Variants in ACADSB observed in about 807,000 individuals in gnomAD.
ACADSB encodes short/branched chain specific acyl-CoA dehydrogenase, mitochondrial.
A neutral mutation model predicts 54.1 loss-of-function variants in ACADSB; 40 were observed. The observed-to-expected ratio is 0.74, with a 90% CI of 0.57 to 0.96. ACADSB has a LOEUF of 0.96. Ranked by LOEUF, ACADSB falls within the 40% of genes least tolerant of loss-of-function variation. The pLI is 0.00. For missense variants in ACADSB, 530 were observed against 510.4 expected (o/e 1.04, Z -0.37); for synonymous variants, 182 against 182.8 (o/e 1.00, Z 0.03).
intron 1 of ACADSB, among the ~76,000 whole-genome samples, chr10:123,031,708 C>T (rs777611596): frequency 4.6e-5 from 7 of 152,160 alleles, no homozygotes; most frequent in Non-Finnish European, 1.0e-4. Context: ...AAAATGGATT[C>T]CATTCACTTA....
intron 7 of ACADSB, 79 bp downstream of exon 7, chr10:123,044,564 A>G: frequency 1.8e-6 from 2 of 1,138,428 alleles, no homozygotes; most frequent in Non-Finnish European, 2.6e-6. Flanking sequence ...ACCAATGAAT[A>G]TTTGGAAGCT....
At chr10:123,024,740 C>G (rs1300231824) in intron 1 of ACADSB, among the ~76,000 whole-genome samples, 1 of 152,208 alleles carries the variant, frequency 6.6e-6, no homozygotes, top group East Asian at 1.9e-4. Context: ...CCCAAGCAAG[C>G]AGCTCGTGGG....
intron 1 of ACADSB, among the ~76,000 whole-genome samples, chr10:123,032,465 T>G (rs560852506): frequency 1.3e-5 from 2 of 152,256 alleles, no homozygotes; most frequent in South Asian, 4.2e-4. Context: ...AGAAGCCTAG[T>G]TGACACATTC....
At chr10:123,042,553 T>G (rs965114965) in intron 5 of ACADSB, among the ~76,000 whole-genome samples, 7 of 149,688 alleles carry the variant, frequency 4.7e-5, no homozygotes, top group African/African-American at 1.7e-4. Flanking sequence ...CTCCGCCTTC[T>G]GGGTTCAAGC....
intron 1 of ACADSB, among the ~76,000 whole-genome samples, chr10:123,021,441 C>T (rs1167706552): frequency 6.6e-6 from 1 of 152,212 alleles, no homozygotes; most frequent in African/African-American, 2.4e-5. Flanking sequence ...TTAATTTTTA[C>T]AAACCTTCCA....
At chr10:123,009,102 G>A (rs768384949) in intron 1 of ACADSB, 31 bp downstream of exon 1, 2 of 1,542,076 alleles carry the variant, frequency 1.3e-6, no homozygotes, top group Non-Finnish European at 1.7e-6. Context: ...CGTCCTGGGG[G>A]CCCAGGGCGA....
chr10:123,011,142 T>C (rs939778724), intron 1 of ACADSB, among the ~76,000 whole-genome samples: 2 of 152,002 alleles, frequency 1.3e-5, no homozygotes, highest in African/African-American at 4.8e-5. Flanking sequence ...TGGCATGGAG[T>C]GGGGAGAAAT....
At chr10:123,014,848 G>A (rs1044781436) in intron 1 of ACADSB, among the ~76,000 whole-genome samples, 1 of 152,246 alleles carries the variant, frequency 6.6e-6, no homozygotes. Context: ...ACGCAAAGGT[G>A]TAGAGGTAGG....
Position 123,040,370 on chromosome 10 carries a change from A to C in ACADSB, c.304-96A>C. The C allele has an allele frequency of 2.8e-6, 3 of 1,067,972 alleles. No homozygotes were observed. The South Asian group carries it at 4.3e-5, about 15-fold the overall frequency. 66.2% of individuals were successfully genotyped at this position (1,067,972 alleles called of 1,614,324 possible). A position where few individuals can be genotyped will look rare whatever the true frequency, so the allele number is the denominator to read the frequency against. On this transcript the variant is annotated intron_variant, in intron 3 of 10. Coordinates refer to ENST00000358776, the MANE Select transcript of ACADSB (RefSeq NM_001609.4). ...TCTCAAAAAAAAAATAATAATAATA[A>C]ATATGGTTACAGTTTATTTTTTAAC...
chr10:123,025,928 G>T (rs1034609041), intron 1 of ACADSB, among the ~76,000 whole-genome samples: 1 of 152,100 alleles, frequency 6.6e-6, no homozygotes, highest in African/African-American at 2.4e-5. Flanking sequence ...AGGCGTGGTG[G>T]TGTGCACCTG....
At chr10:123,026,586 AAGGTGG>A (rs1162533578) in intron 1 of ACADSB, among the ~76,000 whole-genome samples, 2 of 152,180 alleles carry the variant, frequency 1.3e-5, no homozygotes, top group African/African-American at 4.8e-5. Context: ...TATGCAGTCT[AAGGTGG>A]AGCCTAGTTC....
Position 123,044,469 on chromosome 10 carries a change from T to C in ACADSB, c.884T>C (p.Ile295Thr), listed in dbSNP as rs778693399. The C allele has an allele frequency of 6.2e-7, 1 of 1,612,882 alleles. No individual in the cohort carries two copies. The highest frequency in any genetic ancestry group is 1.3e-5 in the African/African-American group (1 of 75,004). Reference protein sequence around the residue: ...YAIGSLNEGRIGIAAQMLGLA... With the variant: ...YAIGSLNEGRTGIAAQMLGLA... ...ATAGGGAGTCTCAATGAAGGTAGAA[T>C]AGGAATTGCTGCACAGGTAAGTCAG... The change falls in exon 7 of 11, where the codon ATA becomes ACA. Residue 295 changes from isoleucine to threonine, a missense_variant. Ile to Thr is a moderately conservative substitution (Grantham distance 89, BLOSUM62 -1). Transcript: ENST00000358776.
chr10:123,011,891 G>T (rs572514258), intron 1 of ACADSB, among the ~76,000 whole-genome samples: 10 of 150,748 alleles, frequency 6.6e-5, no homozygotes, highest in Non-Finnish European at 1.2e-4. Context: ...TCACTCTCTT[G>T]CCCAGGCTGG....
chr10:123,024,887 C>T (rs1589734585), intron 1 of ACADSB, among the ~76,000 whole-genome samples: 3 of 152,304 alleles, frequency 2.0e-5, no homozygotes, highest in East Asian at 3.9e-4. Context: ...AAATTATTTA[C>T]TTGGCTTTAG....
intron 6 of ACADSB, among the ~76,000 whole-genome samples, chr10:123,043,443 C>T (rs1482989481): frequency 2.0e-5 from 3 of 152,196 alleles, no homozygotes; most frequent in Admixed American, 6.5e-5. Context: ...CTTCTGACCA[C>T]GTATACTTTA....
At position 123,037,776 on chromosome 10, in the gene ACADSB, C is replaced by A. The variant is rs752686625; in HGVS notation, c.232C>A (p.Pro78Thr). 4 of 1,612,012 alleles carry A rather than the reference C, an allele frequency of 2.5e-6. No homozygotes were observed. The South Asian group carries it at 4.4e-5, about 18-fold the overall frequency. Residue 78 changes from proline to threonine, a missense_variant, in exon 3 of 11, where the codon CCT becomes ACT. Pro to Thr is a conservative substitution (Grantham distance 38). Transcript: ENST00000358776. ...AAAATTTGCTCAGGAACAAATTGCA[C>A]CTTTGGTTTCAACCATGGATGAAAA... is the stretch of plus-strand genomic sequence containing the variant. ...VKKFAQEQIA[P>T]LVSTMDENSK...
At chr10:123,045,153 ATATATATATATATATATATTTTTTT>A (rs1413069624) in intron 7 of ACADSB, among the ~76,000 whole-genome samples, 271 of 10,198 alleles carry the variant, frequency 0.027, 13 homozygotes, top group African/African-American at 0.098. Flanking sequence ...ATATATATAT[ATATATATATATATATATATTTTTTT>A]TTTTTTTTTT....
chr10:123,010,888 T>C (rs1160958680), intron 1 of ACADSB, among the ~76,000 whole-genome samples: 2 of 152,188 alleles, frequency 1.3e-5, no homozygotes, highest in Non-Finnish European at 2.9e-5. Context: ...CCTAAGGGGC[T>C]ACAGTCTGCG....
At chr10:123,013,618 C>A (rs985249938) in intron 1 of ACADSB, among the ~76,000 whole-genome samples, 1 of 152,226 alleles carries the variant, frequency 6.6e-6, no homozygotes, top group African/African-American at 2.4e-5. Context: ...GAGACTCAGG[C>A]ATGGTGGGCT....
Sources: gnomAD v4.1 joint callset for allele counts (sites outside exome capture counted in the v4.1 genomes callset) on GRCh38, gnomAD v4.1.1 for gene constraint, MANE v1.5 for transcripts, NCBI Gene and HGNC (gene_info 2026-07-23, HGNC 2026-07-21) for gene names.